ST18: variants seen among roughly 807,000 people sequenced by gnomAD.
ST18 encodes ST18 C2H2C-type zinc finger transcription factor, also known as suppression of tumorigenicity 18 protein.
ST18 carries 50 observed loss-of-function variants against 110.0 expected under a neutral mutation model. That is an observed-to-expected ratio of 0.45 (90% CI 0.36 to 0.58). The LOEUF (loss-of-function observed/expected upper bound fraction) is 0.58, where lower values mean the gene tolerates loss of function less well. Among genes scored for constraint, ST18 ranks in the 20% least tolerant of loss-of-function variants. The pLI is 0.00. For synonymous variants in ST18, 461 were observed against 452.4 expected (o/e 1.02, Z -0.24); for missense variants, 1,306 against 1,280.1 (o/e 1.02, Z -0.31).
At chr8:52,160,594 T>C (rs938518236) in intron 14 of ST18, among the ~76,000 whole-genome samples, 3 of 152,214 alleles carry the variant, frequency 2.0e-5, no homozygotes, top group African/African-American at 7.2e-5. Flanking sequence ...CTTTCCTTTG[T>C]GGAAGTTAAG....
At position 52,309,520 on chromosome 8, in the gene ST18, C is replaced by CAA. The variant is rs756214451; in HGVS notation, c.-464-79445_-464-79444dup. ...TGGGCAACAGAGCAAGACTCCATCT[C>CAA]AAAAAAAAAAAAAAAAAAAAAAAAG... On this transcript the variant is annotated intron_variant, in intron 2 of 25. Coordinates refer to ENST00000689386, the MANE Select transcript of ST18 (RefSeq NM_001352837.2). Among the ~76,000 whole-genome samples the CAA allele has an allele frequency of 9.7e-3, 361 of 37,402 alleles. 8 individuals are homozygous for CAA. Among genetic ancestry groups the CAA allele is most frequent in the Non-Finnish European group, 0.012 (239 of 20,090 alleles). 24.5% of individuals were successfully genotyped at this position (37,402 alleles called of 152,430 possible).
chr8:52,231,827 AG>A (rs1564204084), intron 2 of ST18, among the ~76,000 whole-genome samples: 3 of 152,196 alleles, frequency 2.0e-5, no homozygotes, highest in Admixed American at 1.3e-4. Context: ...GGTTCTCACA[AG>A]GGTCCAGGTT....
At chr8:52,143,326 A>C (rs1241470853) in intron 16 of ST18, among the ~76,000 whole-genome samples, 2 of 152,120 alleles carry the variant, frequency 1.3e-5, no homozygotes, top group Non-Finnish European at 2.9e-5. Context: ...CTCTACCAAA[A>C]ATACAAAAAT....
At chr8:52,202,217 G>C (rs1196386848) in intron 8 of ST18, among the ~76,000 whole-genome samples, 1 of 152,188 alleles carries the variant, frequency 6.6e-6, no homozygotes, top group Non-Finnish European at 1.5e-5. Context: ...CAGTTGTAGA[G>C]AATCAACATG....
intron 2 of ST18, among the ~76,000 whole-genome samples, chr8:52,237,653 A>G (rs532458854): frequency 6.6e-6 from 1 of 152,352 alleles, no homozygotes; most frequent in East Asian, 1.9e-4. Context: ...TCAGTGTGGG[A>G]GCCAAACTCA....
intron 2 of ST18, among the ~76,000 whole-genome samples, chr8:52,314,608 T>G (rs1187659993): frequency 6.6e-6 from 1 of 152,228 alleles, no homozygotes; most frequent in African/African-American, 2.4e-5. Flanking sequence ...CCTCTCCGTT[T>G]TGCTGATGGT....
chr8:52,342,826 C>T (rs908896527), intron 2 of ST18, among the ~76,000 whole-genome samples: 1 of 152,182 alleles, frequency 6.6e-6, no homozygotes, highest in African/African-American at 2.4e-5. Context: ...AATCCCGAGA[C>T]AAGATATGTT....
chr8:52,263,775 C>T, intron 2 of ST18, among the ~76,000 whole-genome samples: 1 of 118,376 alleles, frequency 8.4e-6, no homozygotes, highest in African/African-American at 3.4e-5. Context: ...GAGACAGAGT[C>T]TTGCTCTGTC....
intron 2 of ST18, among the ~76,000 whole-genome samples, chr8:52,363,813 T>C (rs578019111): frequency 6.6e-6 from 1 of 152,304 alleles, no homozygotes; most frequent in South Asian, 2.1e-4. Context: ...TGTGTGAGTT[T>C]TTCTATAACT....
intron 2 of ST18, among the ~76,000 whole-genome samples, chr8:52,290,532 A>G (rs1202321441): frequency 6.6e-6 from 1 of 152,214 alleles, no homozygotes; most frequent in African/African-American, 2.4e-5. Flanking sequence ...TATTAGAAAG[A>G]GGGAGGTTCA....
At chr8:52,359,344 T>C (rs1342761897) in intron 2 of ST18, among the ~76,000 whole-genome samples, 1 of 152,070 alleles carries the variant, frequency 6.6e-6, no homozygotes, top group Non-Finnish European at 1.5e-5. Context: ...TAACTTTAGA[T>C]TATGTGAACT....
chr8:52,142,954 C>T lies in ST18; in HGVS notation c.2144G>A (p.Arg715Lys). 6.2e-7 allele frequency: 1 copy of T among 1,613,904 alleles called. No individual in the cohort carries two copies. Among genetic ancestry groups the T allele is most frequent in the Non-Finnish European group, 8.5e-7 (1 of 1,179,906 alleles). The change falls in exon 17 of 26, where the codon AGA becomes AAA. Residue 715 changes from arginine to lysine, a missense_variant. By Grantham distance (26) the Arg-to-Lys change is conservative. Coordinates refer to ENST00000689386, the MANE Select transcript of ST18 (RefSeq NM_001352837.2). Reference protein sequence around the residue: ...IPSPKPKLHARDLKKELITCP... With the variant: ...IPSPKPKLHAKDLKKELITCP... ...CGTGATTAGTTCCTTTTTGAGATCTCTTGCATGAAGCTTGGGTTTAGGGCT... is the reference window on the plus strand; with the variant it reads ...CGTGATTAGTTCCTTTTTGAGATCTTTTGCATGAAGCTTGGGTTTAGGGCT...
Position 52,132,095 on chromosome 8 carries a change from A to T in ST18, c.2529T>A (p.Ala843=). The change falls in exon 22 of 26, where the codon GCT becomes GCA. Residue 843 remains alanine (A), a synonymous_variant. Coordinates refer to ENST00000689386, the MANE Select transcript of ST18 (RefSeq NM_001352837.2). The part of the protein sequence containing the change: ...SHRTASGCPL[A]AKRQKENPLN... Reference sequence around the variant, plus strand: ...GAGGATTCTCCTTCTGTCTCTTGGCAGCCAGAGGACAGCCAGAAGCTGTGC... The same window carrying T: ...GAGGATTCTCCTTCTGTCTCTTGGCTGCCAGAGGACAGCCAGAAGCTGTGC... The T allele has an allele frequency of 1.2e-6, 2 of 1,614,198 alleles. No homozygotes were observed. The highest frequency in any genetic ancestry group is 2.2e-5 in the East Asian group (1 of 44,880).
intron 2 of ST18, among the ~76,000 whole-genome samples, chr8:52,332,253 A>G (rs1184287761): frequency 6.6e-6 from 1 of 152,070 alleles, no homozygotes; most frequent in East Asian, 1.9e-4. Context: ...TATATGATTG[A>G]TGGATCTTAA....
chr8:52,315,740 T>C (rs2096013274), intron 2 of ST18, among the ~76,000 whole-genome samples: 1 of 152,224 alleles, frequency 6.6e-6, no homozygotes, highest in Admixed American at 6.5e-5. Context: ...TATGAATAAC[T>C]GCAACTTAGC....
intron 2 of ST18, chr8:52,405,561 AACT>A (rs1289451402): frequency 1.3e-5 from 2 of 152,184 alleles, no homozygotes; most frequent in African/African-American, 2.4e-5. Flanking sequence ...ACATCCTGAC[AACT>A]ACATTTCCTA....
chr8:52,392,432 A>G (rs1013398757), intron 2 of ST18, among the ~76,000 whole-genome samples: 1 of 152,128 alleles, frequency 6.6e-6, no homozygotes, highest in African/African-American at 2.4e-5. Flanking sequence ...AACATGAGGC[A>G]TGAGGTTAGC....
chr8:52,402,808 G>T (rs1004585765), intron 2 of ST18, among the ~76,000 whole-genome samples: 2 of 152,204 alleles, frequency 1.3e-5, no homozygotes, highest in African/African-American at 4.8e-5. Context: ...GACCCAGGAA[G>T]GTGGGGCACG....
intron 14 of ST18, 108 bp downstream of exon 14, chr8:52,161,267 G>T (rs2061382010): frequency 9.2e-7 from 1 of 1,083,642 alleles, no homozygotes; most frequent in Non-Finnish European, 1.3e-6. Context: ...CCTGCCAGCT[G>T]TATGTAGTAT....
Sources: gnomAD v4.1 joint callset for allele counts (sites outside exome capture counted in the v4.1 genomes callset) on GRCh38, gnomAD v4.1.1 for gene constraint, MANE v1.5 for transcripts, NCBI Gene and HGNC (gene_info 2026-07-23, HGNC 2026-07-21) for gene names.